The following PLXNA2 variants were observed in gnomAD, a reference collection of about 807,000 sequenced individuals.
PLXNA2 encodes plexin-A2.
Under a neutral mutation model 193.5 loss-of-function variants are expected in PLXNA2, and 91 were observed. The ratio of observed to expected loss-of-function variants is 0.47; its 90% CI spans 0.40 to 0.56. PLXNA2 has a LOEUF of 0.56. Among genes scored for constraint, PLXNA2 ranks in the 20% least tolerant of loss-of-function variants. The pLI is 0.00. For missense variants in PLXNA2, 1,995 were observed against 2,503.2 expected (o/e 0.80, Z 4.33); for synonymous variants, 997 against 1,027.3 (o/e 0.97, Z 0.56).
chr1:208,142,281 C>A, intron 4 of PLXNA2, 48 bp downstream of exon 4: 1 of 1,539,800 alleles, frequency 6.5e-7, no homozygotes, highest in South Asian at 1.3e-5. Flanking sequence ...GACAGATTAT[C>A]AGCAGTTTCT....
intron 3 of PLXNA2, among the ~76,000 whole-genome samples, chr1:208,160,204 A>G (rs1328083579): frequency 3.9e-5 from 5 of 127,550 alleles, no homozygotes; most frequent in South Asian, 2.3e-4. Flanking sequence ...TCTTCCCTTC[A>G]TTAGTACAAC....
intron 3 of PLXNA2, among the ~76,000 whole-genome samples, chr1:208,188,066 A>C (rs1249323942): frequency 6.6e-6 from 1 of 152,152 alleles, no homozygotes; most frequent in Non-Finnish European, 1.5e-5. Flanking sequence ...TTGCACCACC[A>C]CCAGTGACGC....
At chr1:208,149,227 G>T (rs908888943) in intron 3 of PLXNA2, among the ~76,000 whole-genome samples, 5 of 152,006 alleles carry the variant, frequency 3.3e-5, no homozygotes, top group Admixed American at 3.3e-4. Flanking sequence ...TGTGTATGAT[G>T]TGTATGTGTT....
At chr1:208,168,724 G>GT (rs10668701) in intron 3 of PLXNA2, among the ~76,000 whole-genome samples, 1,146 of 73,166 alleles carry the variant, frequency 0.016, 79 homozygotes, top group African/African-American at 0.064. Flanking sequence ...AGTATGCGGG[G>GT]TTTTTTTTTT....
chr1:208,065,177 A>G (rs941221831), intron 12 of PLXNA2, among the ~76,000 whole-genome samples: 14 of 152,324 alleles, frequency 9.2e-5, no homozygotes, highest in African/African-American at 1.2e-4. Flanking sequence ...GAGTGCCCCA[A>G]TGACAGAAGG....
chr1:208,190,905 G>A lies in PLXNA2; in HGVS notation c.1371+19375C>T, dbSNP rs116740057. Among the ~76,000 whole-genome samples the A allele has an allele frequency of 6.9e-3, 1,057 of 152,280 alleles. 15 individuals carry two copies. Among genetic ancestry groups the A allele is most frequent in the African/African-American group, 0.024 (1,006 of 41,546 alleles). The stretch of plus-strand genomic sequence containing the variant: ...CATCTTCGAACCTTTGGTGGCAGGA[G>A]TACAGTCTACTCAGTCCTGGACCCC... On this transcript the variant is annotated intron_variant, in intron 3 of 31. Coordinates refer to ENST00000367033, the MANE Select transcript of PLXNA2 (RefSeq NM_025179.4).
chr1:208,098,817 C>A, intron 6 of PLXNA2, 29 bp downstream of exon 6: 1 of 1,610,710 alleles, frequency 6.2e-7, no homozygotes, highest in Non-Finnish European at 8.5e-7. Flanking sequence ...TGTATTCCCT[C>A]TCCCCATGCC....
At chr1:208,196,096 G>A (rs1321897203) in intron 3 of PLXNA2, among the ~76,000 whole-genome samples, 1 of 152,116 alleles carries the variant, frequency 6.6e-6, no homozygotes, top group Non-Finnish European at 1.5e-5. Context: ...ATGACAGAAT[G>A]CACCTACGAG....
chr1:208,069,507 G>A (rs545701332), intron 12 of PLXNA2, among the ~76,000 whole-genome samples: 5 of 152,356 alleles, frequency 3.3e-5, no homozygotes, highest in African/African-American at 1.2e-4. Context: ...CCAAGGGTGA[G>A]AGCAGATGCA....
intron 12 of PLXNA2, among the ~76,000 whole-genome samples, chr1:208,068,299 G>A (rs901608229): frequency 6.6e-6 from 1 of 152,198 alleles, no homozygotes; most frequent in African/African-American, 2.4e-5. Flanking sequence ...GTACCTAACT[G>A]TTGCTTGAGA....
chr1:208,050,033 T>C lies in PLXNA2; in HGVS notation c.3255+976A>G, dbSNP rs192292253. On this transcript the variant is annotated intron_variant, in intron 17 of 31. Coordinates refer to ENST00000367033, the MANE Select transcript of PLXNA2 (RefSeq NM_025179.4). ...AGTGAGATGGAGCCTAGAAAAATGATAAAAAATTGACAACATATCAGACAT... is the reference window on the plus strand; with the variant it reads ...AGTGAGATGGAGCCTAGAAAAATGACAAAAAATTGACAACATATCAGACAT... Among the ~76,000 whole-genome samples, 7 of 152,300 alleles carry C rather than the reference T, an allele frequency of 4.6e-5. No individual in the cohort carries two copies. In the East Asian group the frequency reaches 1.3e-3, roughly 29 times the overall value.
At chr1:208,210,725 C>T (rs1670916021) in intron 2 of PLXNA2, among the ~76,000 whole-genome samples, 1 of 152,136 alleles carries the variant, frequency 6.6e-6, no homozygotes, top group Non-Finnish European at 1.5e-5. Context: ...ACCTTTCTGC[C>T]AGGAGAACCA....
chr1:208,210,241 G>C, intron 3 of PLXNA2, 39 bp downstream of exon 3: 1 of 1,602,918 alleles, frequency 6.2e-7, no homozygotes, highest in East Asian at 2.2e-5. Flanking sequence ...TGCTGAGGAG[G>C]TGAATGGCAT....
At chr1:208,128,952 C>T (rs1392282383) in intron 4 of PLXNA2, among the ~76,000 whole-genome samples, 7 of 152,170 alleles carry the variant, frequency 4.6e-5, no homozygotes, top group Admixed American at 6.5e-5. Flanking sequence ...GCCTCAGCCT[C>T]GCAAAGTGCT....
intron 3 of PLXNA2, among the ~76,000 whole-genome samples, chr1:208,167,730 C>T (rs1017256457): frequency 2.0e-5 from 3 of 152,236 alleles, no homozygotes; most frequent in Non-Finnish European, 4.4e-5. Flanking sequence ...GCAGCCCGCA[C>T]GTGGTGCATA....
At chr1:208,118,876 T>C (rs1667722366) in intron 4 of PLXNA2, among the ~76,000 whole-genome samples, 1 of 152,194 alleles carries the variant, frequency 6.6e-6, no homozygotes. Flanking sequence ...TTAAATAATT[T>C]TGGAGTCATA....
intron 12 of PLXNA2, among the ~76,000 whole-genome samples, chr1:208,076,839 T>C (rs1666164678): frequency 6.6e-6 from 1 of 152,250 alleles, no homozygotes; most frequent in Non-Finnish European, 1.5e-5. Context: ...TATTATTGTA[T>C]CCATGCTAAT....
At chr1:208,100,022 G>A (rs774855424) in intron 5 of PLXNA2, among the ~76,000 whole-genome samples, 3 of 151,874 alleles carry the variant, frequency 2.0e-5, no homozygotes, top group East Asian at 1.9e-4. Flanking sequence ...TACTAGCTGC[G>A]ACCCCTTGGA....
At chr1:208,167,026 T>C (rs1036447308) in intron 3 of PLXNA2, among the ~76,000 whole-genome samples, 2 of 152,154 alleles carry the variant, frequency 1.3e-5, no homozygotes, top group African/African-American at 2.4e-5. Flanking sequence ...TGGGGCTACG[T>C]TGGAATGTCA....
Sources: gnomAD v4.1 joint callset for allele counts (sites outside exome capture counted in the v4.1 genomes callset) on GRCh38, gnomAD v4.1.1 for gene constraint, MANE v1.5 for transcripts, NCBI Gene and HGNC (gene_info 2026-07-23, HGNC 2026-07-21) for gene names.